Variants in CTBP2 observed in about 807,000 individuals in gnomAD.
The protein encoded by CTBP2 is C-terminal-binding protein 2.
Under a neutral mutation model 80.3 loss-of-function variants are expected in CTBP2, and 30 were observed. That is an observed-to-expected ratio of 0.37 (90% CI 0.28 to 0.51). The LOEUF is 0.51. Among genes scored for constraint, CTBP2 ranks in the 20% least tolerant of loss-of-function variants. CTBP2 has a pLI of 0.93. For synonymous variants in CTBP2, 594 were observed against 587.4 expected (o/e 1.01, Z -0.16); for missense variants, 1,212 against 1,375.3 (o/e 0.88, Z 1.88).
At chr10:125,104,270 C>T (rs750350639) in intron 2 of CTBP2, among the ~76,000 whole-genome samples, 7 of 152,276 alleles carry the variant, frequency 4.6e-5, no homozygotes, top group Non-Finnish European at 8.8e-5. Flanking sequence ...TATAAAGAAA[C>T]GGAAATTAAA....
chr10:124,996,339 T>TG (rs1953565350), intron 4 of CTBP2: 1 of 152,092 alleles, frequency 6.6e-6, no homozygotes, highest in South Asian at 2.1e-4. Flanking sequence ...CCGCTGGGCC[T>TG]GGGGGACTCT....
intron 1 of CTBP2, among the ~76,000 whole-genome samples, chr10:125,114,894 T>A (rs886580235): frequency 6.8e-6 from 1 of 147,796 alleles, no homozygotes; most frequent in African/African-American, 2.5e-5. Context: ...TCTAACCAAG[T>A]GCCCGCTTAC....
chr10:125,003,535 G>A, intron 1 of CTBP2, 43 bp from the exon 4 acceptor site: 2 of 1,486,088 alleles, frequency 1.3e-6, no homozygotes, highest in African/African-American at 1.4e-5. Context: ...GGGTGGCTGG[G>A]GCCACAGGGT....
At chr10:125,094,982 C>T (rs1849336587) in intron 2 of CTBP2, among the ~76,000 whole-genome samples, 1 of 151,870 alleles carries the variant, frequency 6.6e-6, no homozygotes, top group African/African-American at 2.4e-5. Flanking sequence ...TCTGAAGAAG[C>T]GCGGAGGAAG....
At chr10:125,084,918 G>A (rs1424511515) in intron 2 of CTBP2, among the ~76,000 whole-genome samples, 6 of 152,162 alleles carry the variant, frequency 3.9e-5, no homozygotes, top group East Asian at 1.9e-4. Context: ...TTCCGCCGTC[G>A]CCACGTCAGC....
At chr10:124,991,465 T>C (rs1449498115) in intron 8 of CTBP2, among the ~76,000 whole-genome samples, 3 of 152,138 alleles carry the variant, frequency 2.0e-5, no homozygotes, top group Admixed American at 6.6e-5. Context: ...CAAAATACTT[T>C]TGAGGGCCAA....
chr10:125,064,740 C>T (rs938119804), intron 2 of CTBP2, among the ~76,000 whole-genome samples: 1 of 152,184 alleles, frequency 6.6e-6, no homozygotes, highest in Non-Finnish European at 1.5e-5. Context: ...CGCCAGTGTC[C>T]CCAGTCAGCC....
chr10:125,117,891 AC>A (rs1288513628), intron 1 of CTBP2, among the ~76,000 whole-genome samples: 6 of 152,076 alleles, frequency 3.9e-5, no homozygotes, highest in Admixed American at 3.9e-4. Flanking sequence ...CTTCATTATG[AC>A]CCCCTGATGC....
chr10:124,985,383 GCT>G lies in CTBP2; in HGVS notation c.*4133_*4134del, dbSNP rs543888287. The stretch of plus-strand genomic sequence containing the variant: ...ACTTAGAAAAAGCACATGGCAAATG[GCT>G]CTTTGTTCCTTTCAGATATTATTTC... On this transcript the variant is annotated 3_prime_UTR_variant, in exon 9 of 9. Coordinates refer to ENST00000309035, the MANE Select transcript of CTBP2 (RefSeq NM_022802.3). 336 of 163,358 alleles carry G rather than the reference GCT, an allele frequency of 2.1e-3. 2 individuals are homozygous for G. The Middle Eastern group carries it at 0.027, about 13-fold the overall frequency. The allele number at this position is 163,358 out of a possible 1,614,324, so 10.1% of individuals were successfully genotyped here.
In CTBP2 at chr10:124,988,565, AAGACTATGAAT is replaced by A. The variant is rs757378192; in HGVS notation, c.*942_*952del. The A allele has an allele frequency of 6.5e-5, 10 of 152,690 alleles. No individual in the cohort carries two copies. The highest frequency in any genetic ancestry group is 1.5e-4 in the Non-Finnish European group (10 of 68,052). The allele number at this position is 152,690 out of a possible 1,614,324, so 9.5% of individuals were successfully genotyped here. ...TAAACAAAAAGGCAATGATTCACAA[AAGACTATGAAT>A]AGAACATGTAACTAGTTGATACAAA... On this transcript the variant is annotated 3_prime_UTR_variant, in exon 9 of 9. Transcript: ENST00000309035.
At chr10:125,060,492 G>GTACA (rs1964753702) in intron 2 of CTBP2, among the ~76,000 whole-genome samples, 1 of 150,612 alleles carries the variant, frequency 6.6e-6, no homozygotes, top group Non-Finnish European at 1.5e-5. Flanking sequence ...GTGTGTGTGT[G>GTACA]TGTGTGTGTA....
At chr10:125,036,671 GTGTGT>G (rs1564769507) in intron 3 of CTBP2, among the ~76,000 whole-genome samples, 36 of 6,170 alleles carry the variant, frequency 5.8e-3, no homozygotes, top group Admixed American at 0.019. Flanking sequence ...TAGAGGGGGT[GTGTGT>G]GTGTGTGTGT....
At chr10:125,049,849 A>C (rs1962283596) in intron 2 of CTBP2, among the ~76,000 whole-genome samples, 1 of 152,110 alleles carries the variant, frequency 6.6e-6, no homozygotes, top group East Asian at 1.9e-4. Context: ...ATAGAGTCAA[A>C]CCAAATCAAG....
chr10:125,017,730 G>T (rs1956632485), intron 1 of CTBP2, among the ~76,000 whole-genome samples: 1 of 152,230 alleles, frequency 6.6e-6, no homozygotes, highest in Non-Finnish European at 1.5e-5. Flanking sequence ...CCCGCAGTCG[G>T]AGCAGCTCAG....
At chr10:124,992,075 T>C (rs1952715946) in intron 8 of CTBP2, among the ~76,000 whole-genome samples, 1 of 152,186 alleles carries the variant, frequency 6.6e-6, no homozygotes, top group Non-Finnish European at 1.5e-5. Flanking sequence ...TCATCCTGAG[T>C]TGATTGTACT....
chr10:125,107,053 G>C (rs116093378), intron 2 of CTBP2, among the ~76,000 whole-genome samples: 6 of 152,344 alleles, frequency 3.9e-5, no homozygotes, highest in South Asian at 2.1e-4. Flanking sequence ...TTTATCCTTG[G>C]GGGGTGGAGG....
chr10:125,109,278 T>C (rs554205116), intron 2 of CTBP2, among the ~76,000 whole-genome samples: 1 of 152,344 alleles, frequency 6.6e-6, no homozygotes, highest in South Asian at 2.1e-4. Context: ...GCCTGGTACT[T>C]GTCTGGGTGA....
chr10:125,014,426 T>A (rs1426930324), intron 1 of CTBP2, among the ~76,000 whole-genome samples: 2 of 152,254 alleles, frequency 1.3e-5, no homozygotes, highest in Non-Finnish European at 2.9e-5. Flanking sequence ...CACTTCAGCC[T>A]GGGTGACAGA....
rs368588256 is a variant in CTBP2 at position 125,146,928 on chromosome 10, AG to A, written c.-206+13390del. 2.7e-3 allele frequency among the ~76,000 whole-genome samples: 414 copies of A among 152,286 alleles called. 1 individual carries two copies. Among genetic ancestry groups the A allele is most frequent in the Admixed American group, 4.4e-3 (67 of 15,296 alleles). ...CATGATTAATTACCACCCCATTGCCAGGGCCTGGGGTCAGGAACATGCTCAA... is the reference window on the plus strand; with the variant it reads ...CATGATTAATTACCACCCCATTGCCAGGCCTGGGGTCAGGAACATGCTCAA... On this transcript the variant is annotated intron_variant, in intron 1 of 10. Coordinates refer to the CTBP2 transcript ENST00000337195.
Sources: allele counts gnomAD v4.1 joint callset (sites outside exome capture counted in the v4.1 genomes callset), GRCh38; gene constraint gnomAD v4.1.1; transcripts MANE v1.5; gene names NCBI Gene and HGNC (gene_info 2026-07-23, HGNC 2026-07-21).